Variants in CCDC170 observed in about 807,000 individuals in gnomAD.
CCDC170 encodes coiled-coil domain-containing protein 170.
Under a neutral mutation model 72.6 loss-of-function variants are expected in CCDC170, and 69 were observed. The ratio of observed to expected loss-of-function variants is 0.95; its 90% CI spans 0.78 to 1.16. The LOEUF (loss-of-function observed/expected upper bound fraction) is 1.16, where lower values mean the gene tolerates loss of function less well. Ranked by LOEUF, CCDC170 falls within the 50% of genes most tolerant of loss-of-function variation. CCDC170 has a pLI of 0.00. For missense variants in CCDC170, 852 were observed against 832.5 expected (o/e 1.02, Z -0.29); for synonymous variants, 300 against 303.9 (o/e 0.99, Z 0.13).
rs1335308034 is a variant in CCDC170, at chr6:151,619,478, T to G, written c.*1331T>G. The G allele has an allele frequency of 2.0e-5, 3 of 152,202 alleles. No individual in the cohort carries two copies. The highest frequency in any genetic ancestry group is 4.4e-5 in the Non-Finnish European group (3 of 68,030). 9.4% of individuals were successfully genotyped at this position (152,202 alleles called of 1,614,324 possible). ...GACAATTTATCTTATTTCTATCATA[T>G]AAGATGTATTTTTTTATTGTCCTTA... On this transcript the variant is annotated 3_prime_UTR_variant, in exon 11 of 11. Transcript: ENST00000239374.
At chr6:151,600,239 C>T (rs1428884067) in intron 9 of CCDC170, among the ~76,000 whole-genome samples, 1 of 152,190 alleles carries the variant, frequency 6.6e-6, no homozygotes, top group African/African-American at 2.4e-5. Context: ...TATCAGCTAT[C>T]CACCATTGTA....
At chr6:151,574,503 T>C (rs1340980506) in intron 6 of CCDC170, among the ~76,000 whole-genome samples, 1 of 152,186 alleles carries the variant, frequency 6.6e-6, no homozygotes, top group Admixed American at 6.5e-5. Flanking sequence ...TCAGAATTTT[T>C]CAGAGCTTAG....
At chr6:151,554,878 T>A (rs990764755) in intron 5 of CCDC170, among the ~76,000 whole-genome samples, 1 of 140,002 alleles carries the variant, frequency 7.1e-6, no homozygotes, top group African/African-American at 2.7e-5. Context: ...CTCAGTTTTT[T>A]TTTTTTTTTT....
chr6:151,533,381 C>T (rs1782524504), intron 1 of CCDC170, among the ~76,000 whole-genome samples: 1 of 151,776 alleles, frequency 6.6e-6, no homozygotes. Flanking sequence ...TTAATCATCA[C>T]TTCTGGCTGG....
At position 151,531,619 on chromosome 6, in the gene CCDC170, A is replaced by G. The variant is rs149586697; in HGVS notation, c.58-4699A>G. Among the ~76,000 whole-genome samples the G allele has an allele frequency of 4.5e-4, 68 of 152,314 alleles. No individual in the cohort carries two copies. The South Asian group carries it at 7.9e-3, about 18-fold the overall frequency. ...TTAGGAACAAGACAAAATGTCCGTTATTGCTATTAATGTTTAACAATGTGT... is the reference window on the plus strand; with the variant it reads ...TTAGGAACAAGACAAAATGTCCGTTGTTGCTATTAATGTTTAACAATGTGT... On this transcript the variant is annotated intron_variant, in intron 1 of 10. Transcript: ENST00000239374.
At chr6:151,500,464 G>A (rs546815415) in intron 1 of CCDC170, among the ~76,000 whole-genome samples, 20 of 151,724 alleles carry the variant, frequency 1.3e-4, no homozygotes, top group Non-Finnish European at 1.9e-4. Context: ...AAATATATAT[G>A]GAGAAAATGC....
At chr6:151,578,683 A>G (rs1032858943) in intron 6 of CCDC170, among the ~76,000 whole-genome samples, 6 of 152,212 alleles carry the variant, frequency 3.9e-5, no homozygotes, top group Non-Finnish European at 8.8e-5. Flanking sequence ...GAGGTGGGAT[A>G]GAGTTAGCCA....
rs765178434 is a variant in CCDC170 at position 151,596,396 on chromosome 6, A to G, written c.1529A>G (p.Lys510Arg). The G allele has an allele frequency of 9.3e-6, 15 of 1,614,056 alleles. No individual in the cohort carries two copies. Among genetic ancestry groups the G allele is most frequent in the South Asian group, 5.5e-5 (5 of 91,092 alleles). ...KELHMSLLRQ[K>R]IAQLEEEKQA... The stretch of plus-strand genomic sequence containing the variant: ...TTACACATGAGCCTCCTCCGGCAGA[A>G]AATAGCCCAGCTGGAGGAGGAGAAG... Residue 510 changes from lysine to arginine, a missense_variant, in exon 9 of 11, where the codon AAA becomes AGA. Physicochemically the swap from Lys to Arg is conservative, Grantham distance 26. Coordinates refer to ENST00000239374, the MANE Select transcript of CCDC170 (RefSeq NM_025059.4).
In CCDC170 at chr6:151,514,970, ACACT is replaced by A. The variant is rs370108966; in HGVS notation, c.57+20793_57+20796del. Among the ~76,000 whole-genome samples the A allele has an allele frequency of 2.3e-3, 350 of 152,344 alleles. 1 individual carries two copies. Among genetic ancestry groups the A allele is most frequent in the African/African-American group, 7.5e-3 (312 of 41,580 alleles). ...TTGGTGTCAGATAAATGAGGCCTTC[ACACT>A]CACTCACCTGGTCTCTGCAAGAAAC... is the stretch of plus-strand genomic sequence containing the variant. On this transcript the variant is annotated intron_variant, in intron 1 of 10. Coordinates refer to ENST00000239374, the MANE Select transcript of CCDC170 (RefSeq NM_025059.4).
At chr6:151,503,809 G>A (rs1313230817) in intron 1 of CCDC170, among the ~76,000 whole-genome samples, 1 of 152,052 alleles carries the variant, frequency 6.6e-6, no homozygotes, top group Admixed American at 6.6e-5. Flanking sequence ...TATATCTAAT[G>A]TTTTCTCATG....
chr6:151,500,812 G>T (rs957914194), intron 1 of CCDC170, among the ~76,000 whole-genome samples: 5 of 152,084 alleles, frequency 3.3e-5, no homozygotes, highest in Admixed American at 2.0e-4. Flanking sequence ...AATCTATAAG[G>T]ACAAATAGAC....
chr6:151,510,026 G>C (rs553624090), intron 1 of CCDC170, among the ~76,000 whole-genome samples: 1 of 152,204 alleles, frequency 6.6e-6, no homozygotes, highest in Non-Finnish European at 1.5e-5. Context: ...AGGAGGCTGA[G>C]GTATGAGAAT....
intron 1 of CCDC170, among the ~76,000 whole-genome samples, chr6:151,533,528 G>A (rs536643367): frequency 1.3e-5 from 2 of 152,014 alleles, no homozygotes; most frequent in East Asian, 2.0e-4. Context: ...TTAGCAGGGC[G>A]TGGTGGCACA....
chr6:151,593,686 C>G (rs963483344), intron 8 of CCDC170, among the ~76,000 whole-genome samples: 1 of 152,032 alleles, frequency 6.6e-6, no homozygotes, highest in Non-Finnish European at 1.5e-5. Flanking sequence ...CTCATGGTTC[C>G]AAATGGTGCC....
At chr6:151,579,391 T>G (rs1776349923) in intron 6 of CCDC170, among the ~76,000 whole-genome samples, 1 of 152,232 alleles carries the variant, frequency 6.6e-6, no homozygotes, top group Non-Finnish European at 1.5e-5. Context: ...TGGTGTCATG[T>G]GCACTGACAC....
chr6:151,605,049 C>T (rs1461683999), intron 9 of CCDC170, among the ~76,000 whole-genome samples: 2 of 152,140 alleles, frequency 1.3e-5, no homozygotes, highest in East Asian at 1.9e-4. Flanking sequence ...CTGTGCCCTG[C>T]CCCCACCCTT....
At chr6:151,569,909 G>C (rs1350435300) in intron 5 of CCDC170, among the ~76,000 whole-genome samples, 1 of 152,148 alleles carries the variant, frequency 6.6e-6, no homozygotes, top group East Asian at 1.9e-4. Flanking sequence ...GCCTGAAAAA[G>C]AGAAACCCAA....
intron 1 of CCDC170, among the ~76,000 whole-genome samples, chr6:151,502,581 T>C (rs930751528): frequency 6.6e-6 from 1 of 152,240 alleles, no homozygotes; most frequent in African/African-American, 2.4e-5. Flanking sequence ...CCCTAAGTCT[T>C]TTCTACTTCA....
chr6:151,607,257 G>A (rs988331255), intron 9 of CCDC170, among the ~76,000 whole-genome samples: 1 of 152,104 alleles, frequency 6.6e-6, no homozygotes, highest in African/African-American at 2.4e-5. Flanking sequence ...TTTTTTAATT[G>A]AGGAATTTAA....
Sources: allele counts gnomAD v4.1 joint callset (sites outside exome capture counted in the v4.1 genomes callset), GRCh38; gene constraint gnomAD v4.1.1; transcripts MANE v1.5; gene names NCBI Gene and HGNC (gene_info 2026-07-23, HGNC 2026-07-21).